The following DPY19L1 variants were observed in gnomAD, a reference collection of about 807,000 sequenced individuals.
DPY19L1 encodes the protein dpy-19 like C-mannosyltransferase 1.
Under a neutral mutation model 96.9 loss-of-function variants are expected in DPY19L1, and 35 were observed. The ratio of observed to expected loss-of-function variants is 0.36; its 90% CI spans 0.28 to 0.48. The LOEUF (loss-of-function observed/expected upper bound fraction) is 0.48, where lower values mean the gene tolerates loss of function less well. DPY19L1 is among the 20% of genes least tolerant of loss of function. The probability of loss-of-function intolerance (pLI) is 0.99; values close to 1 mark genes in which losing one functional copy is unlikely to be tolerated. For missense variants in DPY19L1, 521 were observed against 777.9 expected, an observed-to-expected ratio of 0.67 and a Z score of 3.93; for synonymous variants, 205 against 252.6, an observed-to-expected ratio of 0.81 and a Z score of 1.79.
At chr7:35,011,936 T>C (rs182093419) in intron 4 of DPY19L1, among the ~76,000 whole-genome samples, 1 of 152,330 alleles carries the variant, frequency 6.6e-6, no homozygotes, top group African/African-American at 2.4e-5. Flanking sequence ...ATAATTAAAA[T>C]AGTGTGATAC....
rs188110360 is a variant in DPY19L1, at chr7:34,953,779, G to A, written c.1320+919C>T. On this transcript the variant is annotated intron_variant, in intron 13 of 21. Transcript: ENST00000638088. Reference sequence around the variant, plus strand: ...AGTTTTAAAAATCTTTCCACAGATTGTAGACCAACCATTTAATGGTCCATG... The same window carrying A: ...AGTTTTAAAAATCTTTCCACAGATTATAGACCAACCATTTAATGGTCCATG... Among the ~76,000 whole-genome samples the A allele has an allele frequency of 3.3e-3, 508 of 152,264 alleles. 1 individual carries two copies. The highest frequency in any genetic ancestry group is 6.8e-3 in the Middle Eastern group (2 of 294).
chr7:35,016,903 G>C (rs185982040), intron 3 of DPY19L1, among the ~76,000 whole-genome samples: 1 of 151,788 alleles, frequency 6.6e-6, no homozygotes, highest in African/African-American at 2.4e-5. Flanking sequence ...ACAAAAACAG[G>C]TAAAGAAATT....
At chr7:34,941,461 G>A (rs549102692) in intron 18 of DPY19L1, among the ~76,000 whole-genome samples, 29 of 152,274 alleles carry the variant, frequency 1.9e-4, no homozygotes, top group African/African-American at 7.0e-4. Context: ...TGATATGAAT[G>A]TCAAAACAAA....
rs538719376 is a variant in DPY19L1, at chr7:35,028,265, C to T, written c.298+8832G>A. 4.0e-4 allele frequency among the ~76,000 whole-genome samples: 61 copies of T among 152,204 alleles called. No homozygotes were observed. In the South Asian group the frequency reaches 0.012, roughly 29 times the overall value. ...ATTCAACGAAGAGGATGCACTAGCA[C>T]ACAGGAGGAAATGCCTTAGAAATCA... On this transcript the variant is annotated intron_variant, in intron 1 of 21. Transcript: ENST00000638088.
In DPY19L1 at chr7:34,931,360, C is replaced by A; in HGVS notation, c.*213G>T. On this transcript the variant is annotated 3_prime_UTR_variant, in exon 22 of 22. Coordinates refer to ENST00000638088, the MANE Select transcript of DPY19L1 (RefSeq NM_001366673.1). The stretch of plus-strand genomic sequence containing the variant: ...TACAAGCATATACTCATTTGCATAG[C>A]AAATTTTAAAGGGTGCATTGAAATA... The A allele has an allele frequency of 1.8e-6, 1 of 560,880 alleles. No individual in the cohort carries two copies. Among genetic ancestry groups the A allele is most frequent in the Non-Finnish European group, 2.7e-6 (1 of 364,666 alleles). 34.7% of individuals were successfully genotyped at this position (560,880 alleles called of 1,614,324 possible).
chr7:35,010,831 T>C (rs1020726840), intron 5 of DPY19L1, among the ~76,000 whole-genome samples: 2 of 152,130 alleles, frequency 1.3e-5, no homozygotes, highest in Admixed American at 6.5e-5. Context: ...TTGAGTTTCA[T>C]TGGGCTTGTG....
At chr7:35,005,881 CG>C (rs1785543609) in intron 6 of DPY19L1, among the ~76,000 whole-genome samples, 1 of 151,832 alleles carries the variant, frequency 6.6e-6, no homozygotes, top group Non-Finnish European at 1.5e-5. Flanking sequence ...CATTCTGAGG[CG>C]GATGGGAAGG....
At position 34,989,917 on chromosome 7, in the gene DPY19L1, A is replaced by T; in HGVS notation, c.789T>A (p.Val263=). 2.5e-6 allele frequency: 4 copies of T among 1,609,362 alleles called. No homozygotes were observed. The highest frequency in any genetic ancestry group is 3.4e-6 in the Non-Finnish European group (4 of 1,178,638). Reference sequence around the variant, plus strand: ...GATTGAAAAAGAAGCACAACACTGTAACCAGGCCTCCTAATCGGCTGCCAC... The same window carrying T: ...GATTGAAAAAGAAGCACAACACTGTTACCAGGCCTCCTAATCGGCTGCCAC... ...YLSGSRLGGL[V]TVLCFFFNHG... The change falls in exon 7 of 22, where the codon GTT becomes GTA. Residue 263 remains valine (V), a synonymous_variant. Coordinates refer to ENST00000638088, the MANE Select transcript of DPY19L1 (RefSeq NM_001366673.1).
chr7:34,963,029 T>C (rs1441732540), intron 10 of DPY19L1, among the ~76,000 whole-genome samples: 1 of 151,914 alleles, frequency 6.6e-6, no homozygotes, highest in African/African-American at 2.4e-5. Flanking sequence ...CCCTCATCTC[T>C]ATTAAAAATA....
At chr7:34,965,833 C>T (rs1649240) in intron 10 of DPY19L1, among the ~76,000 whole-genome samples, 37,886 of 151,868 alleles carry the variant, frequency 0.25, 5,237 homozygotes, top group Admixed American at 0.39. Flanking sequence ...GTCTTTGTTC[C>T]AGCTGTTCCA....
intron 21 of DPY19L1, among the ~76,000 whole-genome samples, chr7:34,934,034 G>C (rs1783813060): frequency 6.6e-6 from 1 of 151,874 alleles, no homozygotes; most frequent in African/African-American, 2.4e-5. Context: ...TGTGATCTCG[G>C]CTCACTGCAA....
At chr7:35,037,789 C>A (rs926050871), upstream of DPY19L1, 17 of 1,202,780 alleles carry the variant, frequency 1.4e-5, no homozygotes, top group African/African-American at 3.2e-5. Flanking sequence ...AGGCGGGGCC[C>A]GACCCCTCTG....
At chr7:35,019,516 A>C (rs1440788554) in intron 1 of DPY19L1, among the ~76,000 whole-genome samples, 1 of 151,972 alleles carries the variant, frequency 6.6e-6, no homozygotes, top group East Asian at 1.9e-4. Context: ...AAGAAAGAAG[A>C]AGAAGGAAGA....
At chr7:34,937,153 A>ACTGT (rs1339350809) in intron 21 of DPY19L1, among the ~76,000 whole-genome samples, 4 of 152,196 alleles carry the variant, frequency 2.6e-5, no homozygotes, top group African/African-American at 9.6e-5. Flanking sequence ...TGAAGATCTT[A>ACTGT]CTGTCACTTG....
rs1783705478 is a variant in DPY19L1, at chr7:34,929,497, C to G, written c.*2076G>C. On this transcript the variant is annotated 3_prime_UTR_variant, in exon 22 of 22. Transcript: ENST00000638088. ...TAATAGTATTTTTAATGCTTTTTTCCTATACAGAATTTCTACTTATTACAT... is the reference window on the plus strand; with the variant it reads ...TAATAGTATTTTTAATGCTTTTTTCGTATACAGAATTTCTACTTATTACAT... 6.6e-6 allele frequency: 1 copy of G among 152,068 alleles called. No individual in the cohort carries two copies. Among genetic ancestry groups the G allele is most frequent in the Admixed American group, 6.5e-5 (1 of 15,274 alleles). The allele number at this position is 152,068 out of a possible 1,614,324, so 9.4% of individuals were successfully genotyped here.
upstream of DPY19L1, chr7:35,037,544 C>T: frequency 3.2e-6 from 1 of 310,712 alleles, no homozygotes; most frequent in Middle Eastern, 8.9e-4. Context: ...GGCCGGGAGG[C>T]GGGGAGATCG....
intron 21 of DPY19L1, among the ~76,000 whole-genome samples, chr7:34,935,447 A>C (rs1289974398): frequency 6.6e-6 from 1 of 152,246 alleles, no homozygotes; most frequent in Non-Finnish European, 1.5e-5. Context: ...ATTTAAAACT[A>C]ATCTACAACT....
intron 6 of DPY19L1, among the ~76,000 whole-genome samples, 178 bp from the exon 7 acceptor site, chr7:34,990,119 A>C (rs987209553): frequency 6.6e-6 from 1 of 152,218 alleles, no homozygotes; most frequent in Non-Finnish European, 1.5e-5. Context: ...TAGTCAAAAT[A>C]ATCTTTTCTC....
intron 7 of DPY19L1, among the ~76,000 whole-genome samples, chr7:34,988,606 T>C (rs936918656): frequency 2.0e-5 from 3 of 152,106 alleles, no homozygotes; most frequent in Admixed American, 1.3e-4. Context: ...GCATTATGTT[T>C]GGAGATGATT....
Sources: gnomAD v4.1 joint callset for allele counts (sites outside exome capture counted in the v4.1 genomes callset) on GRCh38, gnomAD v4.1.1 for gene constraint, MANE v1.5 for transcripts, NCBI Gene and HGNC (gene_info 2026-07-23, HGNC 2026-07-21) for gene names.